Variants in DLG2 observed in about 807,000 individuals in gnomAD.
DLG2 encodes discs large MAGUK scaffold protein 2.
In DLG2, 45 loss-of-function variants were observed where a neutral mutation model predicts 132.5. The observed-to-expected ratio is 0.34, with a 90% CI of 0.27 to 0.44. The LOEUF (loss-of-function observed/expected upper bound fraction) is 0.44. Among genes scored for constraint, DLG2 ranks in the 20% least tolerant of loss-of-function variants. The pLI, the probability that DLG2 is intolerant of heterozygous loss-of-function variation, is 1.00. For synonymous variants in DLG2, 424 were observed against 419.6 expected, an observed-to-expected ratio of 1.01 and a Z score of -0.13; for missense variants, 1,045 against 1,196.9, an observed-to-expected ratio of 0.87 and a Z score of 1.87.
chr11:83,623,956 T>C (rs2062063268), intron 19 of DLG2, among the ~76,000 whole-genome samples: 1 of 152,192 alleles, frequency 6.6e-6, no homozygotes. Context: ...TTCTAGAAAG[T>C]AGTCATTTTG....
intron 3 of DLG2, among the ~76,000 whole-genome samples, chr11:85,320,157 T>C (rs1034302082): frequency 6.6e-6 from 1 of 151,888 alleles, no homozygotes; most frequent in African/African-American, 2.4e-5. Flanking sequence ...TACCATATGC[T>C]GTGATAAAAA....
At chr11:84,476,453 T>C (rs901220444) in intron 7 of DLG2, among the ~76,000 whole-genome samples, 2 of 152,104 alleles carry the variant, frequency 1.3e-5, no homozygotes, top group Non-Finnish European at 2.9e-5. Context: ...TCAGAAAAAT[T>C]AGAGATTAAG....
At chr11:84,644,696 A>T in intron 6 of DLG2, among the ~76,000 whole-genome samples, 1 of 129,376 alleles carries the variant, frequency 7.7e-6, no homozygotes, top group Non-Finnish European at 1.6e-5. Flanking sequence ...ACAGAACGAG[A>T]CTCCATTTCA....
intron 8 of DLG2, among the ~76,000 whole-genome samples, chr11:84,223,959 C>T (rs1416660399): frequency 6.6e-6 from 1 of 152,218 alleles, no homozygotes; most frequent in Non-Finnish European, 1.5e-5. Context: ...GGAACCCAGC[C>T]TACTTTAATG....
chr11:83,999,284 G>C lies in DLG2; in HGVS notation c.920-18642C>G, dbSNP rs531462935. The stretch of plus-strand genomic sequence containing the variant: ...GGTAGGTGAAAAAATCCTCCCATGT[G>C]CTTGAGATTGGGTCTACCTAGCCAG... On this transcript the variant is annotated intron_variant, in intron 11 of 27. Coordinates refer to ENST00000376104, the MANE Select transcript of DLG2 (RefSeq NM_001142699.3). 2.0e-5 allele frequency among the ~76,000 whole-genome samples: 3 copies of C among 152,218 alleles called. No homozygotes were observed. The East Asian group carries it at 5.8e-4, about 29-fold the overall frequency.
intron 3 of DLG2, among the ~76,000 whole-genome samples, chr11:85,369,192 C>G (rs1441855245): frequency 2.0e-5 from 3 of 152,076 alleles, no homozygotes; most frequent in Non-Finnish European, 4.4e-5. Context: ...TCAGGATGGA[C>G]AGGCAAGCGG....
intron 3 of DLG2, among the ~76,000 whole-genome samples, chr11:85,413,571 G>C (rs2089538817): frequency 6.6e-6 from 1 of 151,910 alleles, no homozygotes; most frequent in African/African-American, 2.4e-5. Flanking sequence ...ATGGTGAGTT[G>C]ATTTTTGTAT....
intron 15 of DLG2, among the ~76,000 whole-genome samples, chr11:83,905,490 G>A (rs1311906505): frequency 6.6e-6 from 1 of 152,118 alleles, no homozygotes; most frequent in Non-Finnish European, 1.5e-5. Context: ...ATCCTGTGAT[G>A]GCTTATATAT....
intron 6 of DLG2, among the ~76,000 whole-genome samples, chr11:84,632,948 T>C (rs2099634562): frequency 6.6e-6 from 1 of 152,206 alleles, no homozygotes; most frequent in Non-Finnish European, 1.5e-5. Context: ...CATAAGTCAG[T>C]AGCTATGAAT....
At chr11:85,451,205 ACTT>A (rs2092230935) in intron 3 of DLG2, among the ~76,000 whole-genome samples, 1 of 152,312 alleles carries the variant, frequency 6.6e-6, no homozygotes, top group African/African-American at 2.4e-5. Flanking sequence ...AGCCTTGATA[ACTT>A]CTTCAACTTC....
intron 4 of DLG2, among the ~76,000 whole-genome samples, chr11:85,223,511 G>A (rs893757425): frequency 8.5e-5 from 13 of 152,052 alleles, no homozygotes; most frequent in Non-Finnish European, 1.5e-4. Context: ...GTGCTGGTGC[G>A]TGCTTGTGGT....
intron 17 of DLG2, among the ~76,000 whole-genome samples, chr11:83,809,881 G>A (rs1407761168): frequency 1.3e-5 from 2 of 152,136 alleles, no homozygotes; most frequent in Non-Finnish European, 2.9e-5. Flanking sequence ...ATGCATGCAT[G>A]CCATCCATTT....
intron 17 of DLG2, among the ~76,000 whole-genome samples, chr11:83,798,743 A>G (rs1382328882): frequency 6.6e-6 from 1 of 152,186 alleles, no homozygotes; most frequent in East Asian, 1.9e-4. Context: ...TACTTTATTC[A>G]GAGAGACCAT....
chr11:85,215,213 T>A (rs1340731712), intron 4 of DLG2, among the ~76,000 whole-genome samples: 1 of 152,212 alleles, frequency 6.6e-6, no homozygotes, highest in East Asian at 1.9e-4. Context: ...TTTGATGTTA[T>A]AAGTCCATTG....
At chr11:84,234,674 T>G (rs1336617864) in intron 8 of DLG2, among the ~76,000 whole-genome samples, 2 of 152,022 alleles carry the variant, frequency 1.3e-5, no homozygotes, top group African/African-American at 4.8e-5. Context: ...TAATCCCTCC[T>G]CCTCCTCCCG....
intron 6 of DLG2, among the ~76,000 whole-genome samples, chr11:85,039,427 A>G (rs769560027): frequency 2.6e-5 from 4 of 151,942 alleles, no homozygotes; most frequent in Non-Finnish European, 4.4e-5. Context: ...TATTATGAAC[A>G]AGGTCTCAGG....
At chr11:84,405,409 T>A (rs575503466) in intron 7 of DLG2, among the ~76,000 whole-genome samples, 1 of 152,312 alleles carries the variant, frequency 6.6e-6, no homozygotes, top group Non-Finnish European at 1.5e-5. Flanking sequence ...GTCACTTCTG[T>A]CTTCCGTACC....
intron 18 of DLG2, among the ~76,000 whole-genome samples, chr11:83,745,268 C>G (rs900337588): frequency 6.6e-6 from 1 of 151,932 alleles, no homozygotes; most frequent in Non-Finnish European, 1.5e-5. Context: ...AAGAAGTGGC[C>G]AAAGTTTGAA....
intron 18 of DLG2, 67 bp from the exon 19 acceptor site, chr11:83,633,392 C>A (rs1365498327): frequency 7.8e-7 from 1 of 1,285,324 alleles, no homozygotes; most frequent in Non-Finnish European, 1.1e-6. Context: ...GCTGCACAGC[C>A]CAGGCAGCCC....
Sources: allele counts gnomAD v4.1 joint callset (sites outside exome capture counted in the v4.1 genomes callset), GRCh38; gene constraint gnomAD v4.1.1; transcripts MANE v1.5; gene names NCBI Gene and HGNC (gene_info 2026-07-23, HGNC 2026-07-21).